Variants in DLGAP2 observed in about 807,000 individuals in gnomAD.
DLGAP2 encodes disks large-associated protein 2.
Under a neutral mutation model 100.3 loss-of-function variants are expected in DLGAP2, and 26 were observed. The observed-to-expected ratio is 0.26, with a 90% CI of 0.19 to 0.36. The LOEUF (loss-of-function observed/expected upper bound fraction) is 0.36, where lower values mean the gene tolerates loss of function less well. DLGAP2 is among the 10% of genes least tolerant of loss of function. The pLI, the probability that DLGAP2 is intolerant of heterozygous loss-of-function variation, is 1.00. For synonymous variants in DLGAP2, 886 were observed against 630.1 expected (o/e 1.41, Z -6.08); for missense variants, 1,858 against 1,453.2 (o/e 1.28, Z -4.53).
At chr8:889,000 G>C (rs1313610455) in intron 1 of DLGAP2, among the ~76,000 whole-genome samples, 1 of 152,120 alleles carries the variant, frequency 6.6e-6, no homozygotes, top group Non-Finnish European at 1.5e-5. Flanking sequence ...ATAGGGGTGG[G>C]GCCATTTTAT....
chr8:1,584,121 C>T (rs1389824764), intron 6 of DLGAP2, among the ~76,000 whole-genome samples: 1 of 152,116 alleles, frequency 6.6e-6, no homozygotes, highest in African/African-American at 2.4e-5. Context: ...TGCCATTGCG[C>T]CTTCACTGTG....
At chr8:1,274,862 G>A (rs1799651919) in intron 3 of DLGAP2, among the ~76,000 whole-genome samples, 1 of 151,944 alleles carries the variant, frequency 6.6e-6, no homozygotes, top group African/African-American at 2.4e-5. Flanking sequence ...AATGCTCTCT[G>A]GCTTTAATTC....
chr8:1,432,771 G>C (rs920748982), intron 3 of DLGAP2, among the ~76,000 whole-genome samples: 16 of 152,314 alleles, frequency 1.1e-4, no homozygotes, highest in Middle Eastern at 6.8e-3. Context: ...TGCAGGTTAC[G>C]GGTGATTCCC....
intron 1 of DLGAP2, among the ~76,000 whole-genome samples, chr8:803,658 G>A (rs140691582): frequency 2.6e-5 from 4 of 152,184 alleles, no homozygotes; most frequent in African/African-American, 9.7e-5. Flanking sequence ...GATACAGTTA[G>A]AAGCAGGGCT....
chr8:1,614,604 C>T (rs1797089071), intron 6 of DLGAP2, among the ~76,000 whole-genome samples: 3 of 152,226 alleles, frequency 2.0e-5, no homozygotes, highest in African/African-American at 7.2e-5. Context: ...ACCTCCCAGG[C>T]GGAGCCCCCT....
intron 1 of DLGAP2, among the ~76,000 whole-genome samples, chr8:795,713 G>A (rs1037537155): frequency 5.6e-4 from 83 of 148,186 alleles, no homozygotes; most frequent in Admixed American, 1.4e-3. Flanking sequence ...TCCAGTGAGA[G>A]CAGGCGTCCA....
intron 3 of DLGAP2, among the ~76,000 whole-genome samples, chr8:1,480,910 C>T (rs542240903): frequency 4.6e-5 from 7 of 151,918 alleles, no homozygotes; most frequent in African/African-American, 7.2e-5. Context: ...GGGTGGCTTA[C>T]GCCTGTAATC....
chr8:1,208,277 A>G (rs564433858), intron 2 of DLGAP2, among the ~76,000 whole-genome samples: 8 of 152,204 alleles, frequency 5.3e-5, no homozygotes, highest in African/African-American at 1.2e-4. Flanking sequence ...ATTCTTCTAT[A>G]TGTGGCTTGC....
At chr8:1,425,908 G>A (rs530153697) in intron 3 of DLGAP2, among the ~76,000 whole-genome samples, 6 of 152,192 alleles carry the variant, frequency 3.9e-5, no homozygotes, top group Non-Finnish European at 5.9e-5. Context: ...GAAGAAAGGA[G>A]ACTGGGGAAA....
intron 2 of DLGAP2, among the ~76,000 whole-genome samples, chr8:931,556 C>T (rs930544185): frequency 1.1e-4 from 16 of 152,164 alleles, no homozygotes; most frequent in Admixed American, 9.2e-4. Context: ...TGATGTTCTT[C>T]CTGCAGTGAG....
At chr8:1,525,629 G>T (rs760928181) in intron 4 of DLGAP2, among the ~76,000 whole-genome samples, 2 of 152,230 alleles carry the variant, frequency 1.3e-5, no homozygotes, top group Non-Finnish European at 2.9e-5. Flanking sequence ...AAGAATAGTA[G>T]ATTTAAAAAG....
chr8:1,669,924 C>G, intron 10 of DLGAP2, 140 bp downstream of exon 10: 1 of 685,866 alleles, frequency 1.5e-6, no homozygotes, highest in South Asian at 1.7e-5. Context: ...TCCCATCTGT[C>G]CCCCTTAGAT....
intron 3 of DLGAP2, among the ~76,000 whole-genome samples, chr8:1,431,548 C>T (rs568351280): frequency 6.6e-6 from 1 of 152,182 alleles, no homozygotes; most frequent in Non-Finnish European, 1.5e-5. Context: ...GCTCAGCAGC[C>T]GTTCATGCAC....
chr8:1,318,310 A>G (rs954989918), intron 3 of DLGAP2, among the ~76,000 whole-genome samples: 1 of 152,180 alleles, frequency 6.6e-6, no homozygotes, highest in Non-Finnish European at 1.5e-5. Context: ...TTGTCAAAGA[A>G]TGTATAGCTT....
At chr8:1,567,513 G>C (rs535156409) in intron 6 of DLGAP2, among the ~76,000 whole-genome samples, 3 of 152,326 alleles carry the variant, frequency 2.0e-5, no homozygotes, top group African/African-American at 7.2e-5. Context: ...CAGGGACTAA[G>C]TGTTTTAAGA....
In DLGAP2 at chr8:1,251,877, G is replaced by C. The variant is rs112477897; in HGVS notation, c.74-6974G>C. Among the ~76,000 whole-genome samples, 475 of 152,368 alleles carry C rather than the reference G, an allele frequency of 3.1e-3. 4 individuals are homozygous for C. Among genetic ancestry groups the C allele is most frequent in the Non-Finnish European group, 3.5e-3 (236 of 68,042 alleles). On this transcript the variant is annotated intron_variant, in intron 2 of 14. Coordinates refer to ENST00000637795, the MANE Select transcript of DLGAP2 (RefSeq NM_001346810.2). ...TCGCATCATGTTGTCTTAGGGTCATGTGTCCTGTACCCACGTCACAGTATT... is the reference window on the plus strand; with the variant it reads ...TCGCATCATGTTGTCTTAGGGTCATCTGTCCTGTACCCACGTCACAGTATT...
chr8:962,328 A>T (rs1237591392), intron 2 of DLGAP2, among the ~76,000 whole-genome samples: 1 of 152,208 alleles, frequency 6.6e-6, no homozygotes, highest in Non-Finnish European at 1.5e-5. Flanking sequence ...CACTGAATAC[A>T]ATTAAATTAC....
chr8:1,583,382 G>A (rs907907511), intron 6 of DLGAP2, among the ~76,000 whole-genome samples: 2 of 151,658 alleles, frequency 1.3e-5, no homozygotes, highest in East Asian at 3.9e-4. Flanking sequence ...ATCACCTTTT[G>A]CTCCACACAG....
chr8:1,267,302 C>T (rs189626715), intron 3 of DLGAP2, among the ~76,000 whole-genome samples: 1 of 150,760 alleles, frequency 6.6e-6, no homozygotes, highest in African/African-American at 2.4e-5. Context: ...TGCAGTGGCT[C>T]ACGCCTGTAA....
Sources: gnomAD v4.1 joint callset for allele counts (sites outside exome capture counted in the v4.1 genomes callset) on GRCh38, gnomAD v4.1.1 for gene constraint, MANE v1.5 for transcripts, NCBI Gene and HGNC (gene_info 2026-07-23, HGNC 2026-07-21) for gene names.